Variants in NBAS observed in about 807,000 individuals in gnomAD.
NBAS encodes NBAS subunit of NRZ tethering complex, also known as NAG/BC035112 fusion.
In NBAS, 219 loss-of-function variants were observed where a neutral mutation model predicts 302.5. That is an observed-to-expected ratio of 0.72 (90% CI 0.65 to 0.81). The LOEUF (loss-of-function observed/expected upper bound fraction) is 0.81, where lower values mean the gene tolerates loss of function less well. Among genes scored for constraint, NBAS ranks in the 30% least tolerant of loss-of-function variants. The pLI is 0.00. For synonymous variants in NBAS, 1,118 were observed against 1,021.6 expected (o/e 1.09, Z -1.80); for missense variants, 2,932 against 2,841.6 (o/e 1.03, Z -0.72).
intron 14 of NBAS, among the ~76,000 whole-genome samples, chr2:15,475,333 C>A (rs964528806): frequency 1.3e-5 from 2 of 152,098 alleles, no homozygotes; most frequent in African/African-American, 4.8e-5. Flanking sequence ...CTAAAAGAAT[C>A]AAAAACTTTG....
intron 25 of NBAS, among the ~76,000 whole-genome samples, chr2:15,414,115 T>TA (rs1676809830): frequency 6.6e-6 from 1 of 152,128 alleles, no homozygotes; most frequent in South Asian, 2.1e-4. Flanking sequence ...ACCCCAAACT[T>TA]AAAATCAGAT....
At chr2:15,495,855 G>A (rs991853471) in intron 11 of NBAS, among the ~76,000 whole-genome samples, 5 of 152,114 alleles carry the variant, frequency 3.3e-5, no homozygotes, top group South Asian at 4.1e-4. Context: ...AAATGGTGCC[G>A]CCACCTTGGA....
intron 3 of NBAS, among the ~76,000 whole-genome samples, chr2:15,556,566 A>G (rs1269414351): frequency 6.6e-6 from 1 of 152,230 alleles, no homozygotes; most frequent in African/African-American, 2.4e-5. Flanking sequence ...GTCATGAGAC[A>G]TTCTTAATAG....
the NBAS span, among the ~76,000 whole-genome samples, chr2:14,830,227 T>C: frequency 6.6e-6 from 1 of 152,158 alleles, no homozygotes; most frequent in Non-Finnish European, 1.5e-5. Flanking sequence ...TTTTCTTAGG[T>C]CTCTTTCTGG....
chr2:14,877,560 C>T, the NBAS span, among the ~76,000 whole-genome samples: 1 of 152,214 alleles, frequency 6.6e-6, no homozygotes, highest in African/African-American at 2.4e-5. Context: ...CTTCAAGCAA[C>T]ATGGGTGCAC....
At position 15,404,626 on chromosome 2, in the gene NBAS, C is replaced by T. The variant is rs911062696; in HGVS notation, c.2938-2325G>A. Among the ~76,000 whole-genome samples the T allele has an allele frequency of 7.2e-5, 11 of 152,072 alleles. No homozygotes were observed. The South Asian group carries it at 1.5e-3, about 20-fold the overall frequency. Reference sequence around the variant, plus strand: ...CTCCCAGGTCCAAGCGATTCTCCTGCCTCGGCGTCCTGAGTAGCTGGGATT... The same window carrying T: ...CTCCCAGGTCCAAGCGATTCTCCTGTCTCGGCGTCCTGAGTAGCTGGGATT... On this transcript the variant is annotated intron_variant, in intron 25 of 51. Coordinates refer to ENST00000281513, the MANE Select transcript of NBAS (RefSeq NM_015909.4).
chr2:14,969,930 A>G, the NBAS span, among the ~76,000 whole-genome samples: 1 of 152,208 alleles, frequency 6.6e-6, no homozygotes, highest in Non-Finnish European at 1.5e-5. Context: ...AAATGCAATA[A>G]CAACCATGGA....
At chr2:15,190,999 G>A (rs912641331) in intron 48 of NBAS, among the ~76,000 whole-genome samples, 5 of 151,902 alleles carry the variant, frequency 3.3e-5, no homozygotes, top group Non-Finnish European at 5.9e-5. Flanking sequence ...ATAACTAAAC[G>A]ATTTTTCTTT....
chr2:14,798,663 T>C, the NBAS span, among the ~76,000 whole-genome samples: 1 of 152,128 alleles, frequency 6.6e-6, no homozygotes. Context: ...TATTTTTTCC[T>C]TTAACATTTG....
the NBAS span, among the ~76,000 whole-genome samples, chr2:15,081,809 C>A: frequency 6.6e-6 from 1 of 152,202 alleles, no homozygotes; most frequent in Non-Finnish European, 1.5e-5. Context: ...TTGTTTGACA[C>A]TTTGGCTGCT....
chr2:14,906,844 G>A, the NBAS span, among the ~76,000 whole-genome samples: 12 of 152,270 alleles, frequency 7.9e-5, no homozygotes, highest in Middle Eastern at 3.4e-3. Flanking sequence ...AGACAAAGTC[G>A]AGGGTGCCCA....
chr2:14,995,332 T>C, the NBAS span, among the ~76,000 whole-genome samples: 1 of 152,148 alleles, frequency 6.6e-6, no homozygotes, highest in East Asian at 1.9e-4. Flanking sequence ...GTCCTTGCGA[T>C]AGTTTGCCGA....
At chr2:15,307,379 G>A (rs1371302145) in intron 40 of NBAS, among the ~76,000 whole-genome samples, 1 of 152,006 alleles carries the variant, frequency 6.6e-6, no homozygotes, top group African/African-American at 2.4e-5. Flanking sequence ...TTTTCATTTT[G>A]GTATAAAGTA....
chr2:15,076,492 T>C, the NBAS span, among the ~76,000 whole-genome samples: 45,675 of 152,070 alleles, frequency 0.3, 7,376 homozygotes, highest in African/African-American at 0.42. Flanking sequence ...AGGGTTTGAC[T>C]TGGACTGGGA....
At chr2:15,133,372 A>G in the NBAS span, among the ~76,000 whole-genome samples, 1 of 152,158 alleles carries the variant, frequency 6.6e-6, no homozygotes, top group African/African-American at 2.4e-5. Flanking sequence ...AGCAAGTGGT[A>G]GGTGAGATGG....
At chr2:15,001,446 A>G in the NBAS span, among the ~76,000 whole-genome samples, 5 of 152,188 alleles carry the variant, frequency 3.3e-5, no homozygotes, top group Non-Finnish European at 7.3e-5. Flanking sequence ...TTAGGTGATA[A>G]AAAGATGATT....
At chr2:15,077,397 A>G in the NBAS span, among the ~76,000 whole-genome samples, 20,664 of 152,102 alleles carry the variant, frequency 0.14, 3,721 homozygotes, top group African/African-American at 0.41. Context: ...CTGATATTCC[A>G]CTCATATACA....
chr2:15,272,237 G>A (rs574184812), intron 44 of NBAS, among the ~76,000 whole-genome samples: 6 of 152,214 alleles, frequency 3.9e-5, no homozygotes, highest in South Asian at 2.1e-4. Flanking sequence ...TTATGCACTC[G>A]AGAATTAGCT....
chr2:14,861,137 C>T, the NBAS span, among the ~76,000 whole-genome samples: 5 of 152,184 alleles, frequency 3.3e-5, no homozygotes, highest in Non-Finnish European at 5.9e-5. Context: ...ATATAATCTT[C>T]TTGAAGTCCC....
Sources: gnomAD v4.1 joint callset for allele counts (sites outside exome capture counted in the v4.1 genomes callset) on GRCh38, gnomAD v4.1.1 for gene constraint, MANE v1.5 for transcripts, NCBI Gene and HGNC (gene_info 2026-07-23, HGNC 2026-07-21) for gene names.